The following TRPM1 variants were observed in gnomAD, a reference collection of about 807,000 sequenced individuals.
The protein encoded by TRPM1 is TRPM1-203 APA Isoform, Intron 10.
A neutral mutation model predicts 149.4 loss-of-function variants in TRPM1; 113 were observed. The ratio of observed to expected loss-of-function variants is 0.76; its 90% CI spans 0.65 to 0.88. The LOEUF (loss-of-function observed/expected upper bound fraction) is 0.88, where lower values mean the gene tolerates loss of function less well. Among genes scored for constraint, TRPM1 ranks in the 40% least tolerant of loss-of-function variants. The probability of loss-of-function intolerance (pLI) is 0.00; values close to 1 mark genes in which losing one functional copy is unlikely to be tolerated. For synonymous variants in TRPM1, 741 were observed against 759.5 expected (o/e 0.98, Z 0.40); for missense variants, 1,976 against 2,038.7 (o/e 0.97, Z 0.59).
chr15:31,093,148 C>T (rs2035285306), intron 1 of TRPM1, among the ~76,000 whole-genome samples: 2 of 150,370 alleles, frequency 1.3e-5, no homozygotes, highest in Admixed American at 6.7e-5. Context: ...GTAGTCCCAG[C>T]TACTCAGGAG....
At chr15:31,145,317 A>T (rs1567078723) in intron 1 of TRPM1, among the ~76,000 whole-genome samples, 1 of 151,236 alleles carries the variant, frequency 6.6e-6, no homozygotes, top group Non-Finnish European at 1.5e-5. Flanking sequence ...CCAAGATGGC[A>T]GAAGAAGACT....
At chr15:31,067,804 T>A in intron 5 of TRPM1, 75 bp downstream of exon 5, 2 of 1,425,436 alleles carry the variant, frequency 1.4e-6, no homozygotes, top group South Asian at 2.3e-5. Flanking sequence ...CCTTAGTTAT[T>A]AGGAAGCTCT....
At chr15:31,060,765 G>A (rs1002673135) in intron 10 of TRPM1, 121 bp from the exon 11 acceptor site, 7 of 804,466 alleles carry the variant, frequency 8.7e-6, no homozygotes, top group Non-Finnish European at 1.5e-5. Context: ...AAGCATTGCT[G>A]GCTTTGCTCT....
Position 31,029,397 on chromosome 15 carries a change from T to A in TRPM1, c.3128-6A>T. 1 of 1,613,812 alleles carries A rather than the reference T, an allele frequency of 6.2e-7. No homozygotes were observed. On this transcript the variant is annotated splice_polypyrimidine_tract_variant and splice_region_variant and intron_variant, in intron 23 of 27. Coordinates refer to ENST00000256552, the MANE Select transcript of TRPM1 (RefSeq NM_001252024.2). ...ATTAATTTCCATGGCGTAGACTACA[T>A]GACGATTGGAAAGCAGGATTTTTGT... is the stretch of plus-strand genomic sequence containing the variant.
chr15:31,160,779 G>T, intron 1 of TRPM1: 1 of 1,026,786 alleles, frequency 9.7e-7, no homozygotes, highest in Non-Finnish European at 1.5e-6. Flanking sequence ...CATGCCCCAT[G>T]CCCACCCAGC....
intron 1 of TRPM1, among the ~76,000 whole-genome samples, chr15:31,127,434 A>C (rs796709631): frequency 1.3e-4 from 20 of 152,344 alleles, no homozygotes; most frequent in African/African-American, 3.4e-4. Flanking sequence ...CAGACAGGGG[A>C]ATTCAAAACA....
At chr15:31,037,607 T>A in intron 20 of TRPM1, 104 bp downstream of exon 20, 1 of 1,496,632 alleles carries the variant, frequency 6.7e-7, no homozygotes, top group Non-Finnish European at 9.3e-7. Context: ...TTTAATTCAG[T>A]GAATTTTTAG....
In TRPM1 at chr15:31,047,094, C is replaced by T. The variant is rs1425348835; in HGVS notation, c.1764+17G>A. The T allele has an allele frequency of 6.2e-7, 1 of 1,614,130 alleles. No individual in the cohort carries two copies. The highest frequency in any genetic ancestry group is 8.5e-7 in the Non-Finnish European group (1 of 1,180,056). On this transcript the variant is annotated intron_variant, in intron 15 of 27. Transcript: ENST00000256552. ...TACTCGCGAACCACAGAACACTACA[C>T]AGGCACTGAGTTCTACCCTCTTTGG...
chr15:31,004,800 C>T (rs979163136), intron 27 of TRPM1, among the ~76,000 whole-genome samples: 2 of 152,116 alleles, frequency 1.3e-5, no homozygotes, highest in Non-Finnish European at 2.9e-5. Flanking sequence ...TGGTGTTCTT[C>T]ATTAAAAATA....
At chr15:31,091,732 G>A (rs959798459) in intron 1 of TRPM1, among the ~76,000 whole-genome samples, 1 of 152,320 alleles carries the variant, frequency 6.6e-6, no homozygotes, top group African/African-American at 2.4e-5. Context: ...GTGGTGACCA[G>A]TGACTCATGG....
intron 1 of TRPM1, among the ~76,000 whole-genome samples, chr15:31,145,037 T>C (rs1364088451): frequency 6.6e-6 from 1 of 152,162 alleles, no homozygotes; most frequent in African/African-American, 2.4e-5. Context: ...TTTGAGTTTT[T>C]ATTATCTGTC....
At chr15:31,043,024 C>T (rs946461023) in intron 16 of TRPM1, among the ~76,000 whole-genome samples, 2 of 152,222 alleles carry the variant, frequency 1.3e-5, no homozygotes, top group Non-Finnish European at 1.5e-5. Flanking sequence ...TACAAGGACT[C>T]TGAGAGGTTG....
chr15:31,096,318 T>C (rs1278655654), intron 1 of TRPM1, among the ~76,000 whole-genome samples: 1 of 152,214 alleles, frequency 6.6e-6, no homozygotes, highest in Non-Finnish European at 1.5e-5. Context: ...AGACATCTTA[T>C]ACACTTTTTA....
At position 31,131,222 on chromosome 15, in the gene TRPM1, A is replaced by C. The variant is rs113993786; in HGVS notation, c.54+29684T>G. ...AGCCACTTAGAGCGACTGTTGCGGC[A>C]GCACAGTGCTTGTGTTCAGGTCAGC... is the stretch of plus-strand genomic sequence containing the variant. On this transcript the variant is annotated intron_variant, in intron 1 of 26. Coordinates refer to the TRPM1 transcript ENST00000542188. Among the ~76,000 whole-genome samples, 576 of 152,322 alleles carry C rather than the reference A, an allele frequency of 3.8e-3. 3 individuals carry two copies. Among genetic ancestry groups the C allele is most frequent in the African/African-American group, 0.013 (545 of 41,554 alleles).
chr15:31,014,334 C>T (rs189076759), intron 27 of TRPM1, among the ~76,000 whole-genome samples: 323 of 152,194 alleles, frequency 2.1e-3, no homozygotes, highest in Non-Finnish European at 2.0e-3. Context: ...ACAGACGAAC[C>T]TTTCAGCTAG....
At chr15:31,089,416 GA>G (rs1287887826) in intron 1 of TRPM1, among the ~76,000 whole-genome samples, 1 of 152,228 alleles carries the variant, frequency 6.6e-6, no homozygotes, top group Non-Finnish European at 1.5e-5. Flanking sequence ...AGTCCAGTAG[GA>G]TTTGGCTTGA....
At position 31,081,433 on chromosome 15, in the gene TRPM1, T is replaced by C. The variant is rs2034855791; in HGVS notation, c.-78A>G. ...TACTGCTGAGTCCTCAGAAATCTTC[T>C]AGAACCTACGAGGATAAACAAGAGG... On this transcript the variant is annotated 5_prime_UTR_variant, in exon 2 of 28. Transcript: ENST00000256552. 5.2e-6 allele frequency: 8 copies of C among 1,532,734 alleles called. No homozygotes were observed. The South Asian group carries it at 8.3e-5, about 16-fold the overall frequency. The allele number at this position is 1,532,734 out of a possible 1,614,324, so 94.9% of individuals were successfully genotyped here. A position where few individuals can be genotyped will look rare whatever the true frequency, so the allele number is the denominator to read the frequency against.
chr15:31,137,465 T>C (rs544884840), intron 1 of TRPM1, among the ~76,000 whole-genome samples: 2 of 152,360 alleles, frequency 1.3e-5, no homozygotes, highest in African/African-American at 4.8e-5. Flanking sequence ...TTATATGGAA[T>C]GTTCCAGGTG....
At chr15:31,030,588 T>C (rs983690928) in intron 23 of TRPM1, among the ~76,000 whole-genome samples, 5 of 152,180 alleles carry the variant, frequency 3.3e-5, no homozygotes, top group Non-Finnish European at 7.3e-5. Context: ...TCTGATGGCT[T>C]TAAGAAGAGG....
Sources: allele counts gnomAD v4.1 joint callset (sites outside exome capture counted in the v4.1 genomes callset), GRCh38; gene constraint gnomAD v4.1.1; transcripts MANE v1.5; gene names NCBI Gene and HGNC (gene_info 2026-07-23, HGNC 2026-07-21).